TMEM117: variants seen among roughly 807,000 people sequenced by gnomAD.
TMEM117 encodes transmembrane protein 117.
In TMEM117, 27 loss-of-function variants were observed where a neutral mutation model predicts 52.4. That is an observed-to-expected ratio of 0.51 (90% CI 0.38 to 0.71). The LOEUF is 0.71. TMEM117 is among the 30% of genes least tolerant of loss of function. TMEM117 has a pLI of 0.00. For synonymous variants in TMEM117, 215 were observed against 206.3 expected, an observed-to-expected ratio of 1.04 and a Z score of -0.36; for missense variants, 556 against 630.5, an observed-to-expected ratio of 0.88 and a Z score of 1.26.
chr12:44,150,766 G>A (rs1948710533), intron 4 of TMEM117, among the ~76,000 whole-genome samples: 1 of 151,948 alleles, frequency 6.6e-6, no homozygotes, highest in African/African-American at 2.4e-5. Context: ...AACTTCCTGT[G>A]TTCAGATAGC....
At chr12:44,191,032 A>G (rs1209493668) in intron 4 of TMEM117, among the ~76,000 whole-genome samples, 1 of 151,524 alleles carries the variant, frequency 6.6e-6, no homozygotes, top group African/African-American at 2.4e-5. Context: ...ATTTATAAAG[A>G]AAGAGGTTTA....
chr12:44,394,165 T>C (rs955207058), downstream of TMEM117, among the ~76,000 whole-genome samples: 6 of 152,210 alleles, frequency 3.9e-5, no homozygotes, highest in African/African-American at 1.4e-4. Context: ...TAAGAATCCT[T>C]ATCCAGGTAT....
At chr12:44,383,362 T>A (rs1236509334) in intron 7 of TMEM117, among the ~76,000 whole-genome samples, 1 of 152,118 alleles carries the variant, frequency 6.6e-6, no homozygotes, top group African/African-American at 2.4e-5. Context: ...GAGGGTGATA[T>A]TTAATGAAGA....
the TMEM117 span, among the ~76,000 whole-genome samples, chr12:43,821,189 A>G: frequency 1.3e-5 from 2 of 152,188 alleles, no homozygotes; most frequent in Admixed American, 6.5e-5. Context: ...GGACTATAGA[A>G]TTTTAGGGAC....
intron 6 of TMEM117, among the ~76,000 whole-genome samples, chr12:44,310,913 CTA>C (rs1369089672): frequency 6.6e-6 from 1 of 152,124 alleles, no homozygotes; most frequent in African/African-American, 2.4e-5. Context: ...TAAAATTAGA[CTA>C]TGATTTCTCA....
chr12:43,877,014 T>C (rs1271659615), intron 2 of TMEM117, among the ~76,000 whole-genome samples: 1 of 152,240 alleles, frequency 6.6e-6, no homozygotes, highest in Non-Finnish European at 1.5e-5. Context: ...TAATGTCTGC[T>C]TATTGTTCCA....
chr12:43,859,694 G>A (rs1272643228), intron 2 of TMEM117, among the ~76,000 whole-genome samples: 2 of 152,126 alleles, frequency 1.3e-5, no homozygotes, highest in Non-Finnish European at 2.9e-5. Context: ...TGGTGGCAAT[G>A]AGAATGAAAT....
At chr12:44,238,066 C>T (rs1439640095) in intron 5 of TMEM117, among the ~76,000 whole-genome samples, 1 of 152,130 alleles carries the variant, frequency 6.6e-6, no homozygotes, top group East Asian at 1.9e-4. Context: ...TTCTTTCTTA[C>T]ATATCATCAT....
chr12:43,823,912 G>T, the TMEM117 span, among the ~76,000 whole-genome samples: 1 of 152,188 alleles, frequency 6.6e-6, no homozygotes, highest in East Asian at 1.9e-4. Context: ...TTTTACTGTA[G>T]ATAAGAAACA....
chr12:44,125,899 A>G (rs1046775113), intron 3 of TMEM117, among the ~76,000 whole-genome samples: 1 of 152,084 alleles, frequency 6.6e-6, no homozygotes, highest in Non-Finnish European at 1.5e-5. Flanking sequence ...TATCACAGAG[A>G]TTCTCCTAAT....
chr12:44,083,397 T>G, intron 3 of TMEM117, among the ~76,000 whole-genome samples: 1 of 144,418 alleles, frequency 6.9e-6, no homozygotes, highest in East Asian at 2.0e-4. Flanking sequence ...TAGTTTTTTT[T>G]TTTTTTTTTT....
chr12:43,883,917 G>A (rs1207368366), intron 2 of TMEM117, among the ~76,000 whole-genome samples: 1 of 152,036 alleles, frequency 6.6e-6, no homozygotes, highest in Non-Finnish European at 1.5e-5. Flanking sequence ...TCAGAGGATT[G>A]CTTGAGCCCA....
the TMEM117 span, among the ~76,000 whole-genome samples, chr12:43,825,243 AG>A: frequency 1.3e-5 from 2 of 152,236 alleles, no homozygotes; most frequent in Non-Finnish European, 2.9e-5. Context: ...CTAGTTTACA[AG>A]GGTTGGCGTA....
chr12:44,254,945 G>C (rs1353059701), intron 5 of TMEM117, among the ~76,000 whole-genome samples: 3 of 152,090 alleles, frequency 2.0e-5, no homozygotes, highest in Non-Finnish European at 4.4e-5. Flanking sequence ...TGCTGAGAAT[G>C]ATGGTTTCCA....
intron 2 of TMEM117, among the ~76,000 whole-genome samples, chr12:43,904,802 A>G (rs746337376): frequency 6.6e-6 from 1 of 152,248 alleles, no homozygotes; most frequent in Non-Finnish European, 1.5e-5. Context: ...TTGTTGTTCC[A>G]GTTTCTTCAC....
chr12:43,873,289 T>TAAC (rs71091181), intron 2 of TMEM117, among the ~76,000 whole-genome samples: 109,805 of 151,808 alleles, frequency 0.72, 43,059 homozygotes, highest in East Asian at 0.94. Context: ...TAGGCAAACT[T>TAAC]AAGTGTTGTG....
Position 44,377,768 on chromosome 12 carries a change from G to A in TMEM117, c.898+1044G>A, listed in dbSNP as rs112620880. 1.8e-3 allele frequency among the ~76,000 whole-genome samples: 278 copies of A among 152,276 alleles called. 2 individuals carry two copies. The highest frequency in any genetic ancestry group is 3.4e-3 in the Middle Eastern group (1 of 294). ...TGAAGAAATCTGTGCTTACACTACC[G>A]TCTGTGCTGCCAAATAAAAATAGTC... is the stretch of plus-strand genomic sequence containing the variant. On this transcript the variant is annotated intron_variant, in intron 7 of 7. Transcript: ENST00000266534.
chr12:43,908,419 TAGGA>T (rs1366965724), intron 2 of TMEM117, among the ~76,000 whole-genome samples: 1 of 130,788 alleles, frequency 7.6e-6, no homozygotes, highest in Non-Finnish European at 1.7e-5. Flanking sequence ...CCATCGAGAC[TAGGA>T]AGAAACTGCA....
At chr12:44,117,121 C>T (rs571710349) in intron 3 of TMEM117, among the ~76,000 whole-genome samples, 13 of 152,276 alleles carry the variant, frequency 8.5e-5, no homozygotes, top group Admixed American at 2.6e-4. Context: ...ACTCTAACTC[C>T]CTAGTTTTCC....
Sources: allele counts gnomAD v4.1 joint callset (sites outside exome capture counted in the v4.1 genomes callset), GRCh38; gene constraint gnomAD v4.1.1; transcripts MANE v1.5; gene names NCBI Gene and HGNC (gene_info 2026-07-23, HGNC 2026-07-21).